The following TIAM1 variants were observed in gnomAD, a reference collection of about 807,000 sequenced individuals.
TIAM1 encodes rho guanine nucleotide exchange factor TIAM1.
TIAM1 carries 65 observed loss-of-function variants against 163.5 expected under a neutral mutation model. The ratio of observed to expected loss-of-function variants is 0.40; its 90% CI spans 0.33 to 0.49. TIAM1 has a LOEUF of 0.49. Among genes scored for constraint, TIAM1 ranks in the 20% least tolerant of loss-of-function variants. The pLI is 0.77. For synonymous variants in TIAM1, 833 were observed against 810.1 expected (o/e 1.03, Z -0.48); for missense variants, 1,789 against 2,044.7 (o/e 0.87, Z 2.41).
chr21:31,166,582 AG>A (rs1385316660), intron 15 of TIAM1, among the ~76,000 whole-genome samples: 1 of 152,126 alleles, frequency 6.6e-6, no homozygotes, highest in Non-Finnish European at 1.5e-5. Context: ...AATGGCTTAG[AG>A]GTTTCTGTGT....
At chr21:31,186,619 A>T (rs1366075548) in intron 14 of TIAM1, among the ~76,000 whole-genome samples, 1 of 152,004 alleles carries the variant, frequency 6.6e-6, no homozygotes, top group Non-Finnish European at 1.5e-5. Context: ...AAAAATAAAT[A>T]AGTAAATAAA....
chr21:31,303,446 T>A (rs1174016131), intron 2 of TIAM1, among the ~76,000 whole-genome samples: 1 of 152,216 alleles, frequency 6.6e-6, no homozygotes, highest in African/African-American at 2.4e-5. Flanking sequence ...TGTGGCTGAT[T>A]GAGTTCCAGG....
At chr21:31,238,081 C>T (rs923737058) in intron 6 of TIAM1, among the ~76,000 whole-genome samples, 1 of 152,212 alleles carries the variant, frequency 6.6e-6, no homozygotes, top group Non-Finnish European at 1.5e-5. Flanking sequence ...ATCTCCTTTC[C>T]ATGGGTGAAT....
chr21:31,256,588 TACAC>T (rs5030999), intron 4 of TIAM1, among the ~76,000 whole-genome samples: 1,434 of 128,222 alleles, frequency 0.011, 35 homozygotes, highest in African/African-American at 0.037. Flanking sequence ...TACCCCTCAC[TACAC>T]ACACACACAC....
At chr21:31,438,997 G>C (rs1202775273) in intron 2 of TIAM1, among the ~76,000 whole-genome samples, 3 of 152,204 alleles carry the variant, frequency 2.0e-5, no homozygotes, top group Non-Finnish European at 4.4e-5. Context: ...AGATCCACTA[G>C]AGCTGTGAGA....
Position 31,193,749 on chromosome 21 carries a change from G to A in TIAM1, c.2575+1475C>T, listed in dbSNP as rs896870898. 4.6e-5 allele frequency among the ~76,000 whole-genome samples: 7 copies of A among 152,284 alleles called. No individual in the cohort carries two copies. In the East Asian group the frequency reaches 5.8e-4, roughly 13 times the overall value. On this transcript the variant is annotated intron_variant, in intron 13 of 27. Transcript: ENST00000541036. ...AAAAAGCAGCCTGTAAAATCAAGCTGCACACACAGACAAGCAAGCTGGAAG... is the reference window on the plus strand; with the variant it reads ...AAAAAGCAGCCTGTAAAATCAAGCTACACACACAGACAAGCAAGCTGGAAG...
chr21:31,244,672 C>T (rs958172042), intron 6 of TIAM1, among the ~76,000 whole-genome samples: 10 of 152,216 alleles, frequency 6.6e-5, no homozygotes, highest in African/African-American at 2.4e-4. Flanking sequence ...TTGCAGGGAG[C>T]TGAGATCGTG....
chr21:31,379,041 G>A (rs1013220855), intron 2 of TIAM1, among the ~76,000 whole-genome samples: 6 of 152,058 alleles, frequency 3.9e-5, no homozygotes, highest in East Asian at 3.8e-4. Context: ...GCGCAATCTC[G>A]GCTCACTGCA....
intron 19 of TIAM1, among the ~76,000 whole-genome samples, chr21:31,149,642 T>C (rs970819769): frequency 3.3e-5 from 5 of 152,206 alleles, no homozygotes; most frequent in Non-Finnish European, 7.3e-5. Flanking sequence ...TAATGAATGT[T>C]AGCTACTTTA....
At chr21:31,400,784 TC>T (rs1280578708) in intron 2 of TIAM1, among the ~76,000 whole-genome samples, 1 of 152,108 alleles carries the variant, frequency 6.6e-6, no homozygotes, top group Non-Finnish European at 1.5e-5. Context: ...ACATCAGAAG[TC>T]CTTGACTATT....
intron 2 of TIAM1, among the ~76,000 whole-genome samples, chr21:31,455,654 A>G (rs2045069942): frequency 1.3e-5 from 2 of 152,224 alleles, no homozygotes; most frequent in Non-Finnish European, 2.9e-5. Context: ...ATGAGTTAAT[A>G]GTAGAACAGC....
chr21:31,245,398 G>T, intron 6 of TIAM1, 90 bp downstream of exon 6: 5 of 421,852 alleles, frequency 1.2e-5, no homozygotes, highest in South Asian at 1.0e-4. Flanking sequence ...AAAAAAAAAA[G>T]CAGTGGAGGG....
chr21:31,540,590 T>A (rs7282742), intron 1 of TIAM1, among the ~76,000 whole-genome samples: 39,878 of 152,090 alleles, frequency 0.26, 6,161 homozygotes, highest in African/African-American at 0.43. Context: ...TGAGGCTCTC[T>A]TATGTCCAGC....
intron 2 of TIAM1, among the ~76,000 whole-genome samples, chr21:31,292,816 GCAC>G (rs1352157928): frequency 6.6e-6 from 1 of 151,740 alleles, no homozygotes; most frequent in Non-Finnish European, 1.5e-5. Context: ...TGACAGGTGC[GCAC>G]CACCACGCCT....
chr21:31,227,508 T>C lies in TIAM1; in HGVS notation c.1585-1558A>G, dbSNP rs149777133. On this transcript the variant is annotated intron_variant, in intron 6 of 27. Coordinates refer to ENST00000541036, the MANE Select transcript of TIAM1 (RefSeq NM_001353694.2). ...AAATATTTTGCCTGTGGATAAACAT[T>C]TCAATATGCTAGACAATCTGAAGAA... Among the ~76,000 whole-genome samples the C allele has an allele frequency of 2.0e-5, 3 of 152,248 alleles. No individual in the cohort carries two copies. The East Asian group carries it at 5.8e-4, about 29-fold the overall frequency.
chr21:31,360,536 G>C (rs1424163067), intron 2 of TIAM1, among the ~76,000 whole-genome samples: 1 of 151,944 alleles, frequency 6.6e-6, no homozygotes, highest in Non-Finnish European at 1.5e-5. Flanking sequence ...GCCAGTAACT[G>C]ATCATTCTGA....
chr21:31,252,934 C>A (rs1226865193), intron 4 of TIAM1, among the ~76,000 whole-genome samples: 1 of 152,258 alleles, frequency 6.6e-6, no homozygotes, highest in Non-Finnish European at 1.5e-5. Context: ...CTTGGGCAGG[C>A]TACTTGCTGC....
chr21:31,451,719 G>GCA (rs1491294911), intron 2 of TIAM1, among the ~76,000 whole-genome samples: 1 of 6,680 alleles, frequency 1.5e-4, no homozygotes, highest in Non-Finnish European at 5.2e-4. Flanking sequence ...ATGTGTGTGC[G>GCA]TGTGTGTGTG....
At chr21:31,554,147 T>C (rs996558693) in intron 1 of TIAM1, among the ~76,000 whole-genome samples, 1 of 152,150 alleles carries the variant, frequency 6.6e-6, no homozygotes, top group Non-Finnish European at 1.5e-5. Context: ...CCTGTCTTCC[T>C]CATGGTCACA....
Sources: gnomAD v4.1 joint callset for allele counts (sites outside exome capture counted in the v4.1 genomes callset) on GRCh38, gnomAD v4.1.1 for gene constraint, MANE v1.5 for transcripts, NCBI Gene and HGNC (gene_info 2026-07-23, HGNC 2026-07-21) for gene names.